Variants in LMO7 observed in about 807,000 individuals in gnomAD.
LMO7 encodes LIM domain only protein 7.
Under a neutral mutation model 206.5 loss-of-function variants are expected in LMO7, and 120 were observed. The ratio of observed to expected loss-of-function variants is 0.58; its 90% CI spans 0.50 to 0.68. The LOEUF is 0.68. LMO7 is among the 30% of genes least tolerant of loss of function. The pLI, the probability that LMO7 is intolerant of heterozygous loss-of-function variation, is 0.00. For missense variants in LMO7, 1,959 were observed against 1,957.9 expected, an observed-to-expected ratio of 1.00 and a Z score of -0.01; for synonymous variants, 706 against 681.5, an observed-to-expected ratio of 1.04 and a Z score of -0.56.
rs772210415 is a variant in LMO7, at chr13:75,800,855, G to C, written c.634G>C (p.Asp212His). ...GAGGTCATTGACAAGCTGCTCCTCT[G>C]ATATCACGTTGAGAGGGGGGCGTGA... ...GSRSLTSCSS[D>H]ITLRGGREGF... Residue 212 changes from aspartate to histidine, a missense_variant, in exon 7 of 31, where the codon GAT becomes CAT. Physicochemically the swap from Asp to His is moderately conservative, Grantham distance 81 (BLOSUM62 -1). Coordinates refer to ENST00000377534, the MANE Select transcript of LMO7 (RefSeq NM_001306080.2). The C allele has an allele frequency of 1.2e-6, 2 of 1,613,730 alleles. No homozygotes were observed. The highest frequency in any genetic ancestry group is 1.7e-6 in the Non-Finnish European group (2 of 1,179,832).
rs1316793412 is a variant in LMO7 at position 75,636,404 on chromosome 13, C to G, written c.-254C>G. 2 of 1,326,156 alleles carry G rather than the reference C, an allele frequency of 1.5e-6. No homozygotes were observed. The highest frequency in any genetic ancestry group is 7.0e-5 in the East Asian group (2 of 28,460). 82.1% of individuals were successfully genotyped at this position (1,326,156 alleles called of 1,614,324 possible). On this transcript the variant is annotated 5_prime_UTR_variant, in exon 1 of 31. Coordinates refer to ENST00000377534, the MANE Select transcript of LMO7 (RefSeq NM_001306080.2). ...GCTTCCCGCGTCCTGCCTGACTGCC[C>G]GGGTCCCCGCGGGCCTTGGGTCGCT...
chr13:75,752,801 T>C (rs765310686), intron 3 of LMO7, among the ~76,000 whole-genome samples: 1 of 152,246 alleles, frequency 6.6e-6, no homozygotes, highest in Non-Finnish European at 1.5e-5. Flanking sequence ...CCATTGTGGA[T>C]GTATACCACA....
intron 1 of LMO7, among the ~76,000 whole-genome samples, chr13:75,700,355 T>C (rs911129583): frequency 1.3e-5 from 2 of 152,310 alleles, no homozygotes; most frequent in East Asian, 3.9e-4. Context: ...TGTTCAGAGA[T>C]TGCAGTAAAG....
chr13:75,823,865 A>C lies in LMO7; in HGVS notation c.2941A>C (p.Arg981=). ...GEISPQREVS[R]SQDQFSDMRI... is the part of the protein sequence containing the mutation. ...AATCTCCCCACAAAGAGAAGTCTCAAGATCCCAGGTGAGTTTGGAAAAGTT... is the reference window on the plus strand; with the variant it reads ...AATCTCCCCACAAAGAGAAGTCTCACGATCCCAGGTGAGTTTGGAAAAGTT... Residue 981 remains arginine, a synonymous_variant, in exon 15 of 31, where the codon AGA becomes CGA. Coordinates refer to ENST00000377534, the MANE Select transcript of LMO7 (RefSeq NM_001306080.2). 6.2e-7 allele frequency: 1 copy of C among 1,613,604 alleles called. No individual in the cohort carries two copies. The highest frequency in any genetic ancestry group is 2.2e-5 in the East Asian group (1 of 44,834).
At chr13:75,819,998 T>A (rs2057417214) in intron 13 of LMO7, among the ~76,000 whole-genome samples, 1 of 152,200 alleles carries the variant, frequency 6.6e-6, no homozygotes, top group Admixed American at 6.5e-5. Context: ...AATGTGTGTG[T>A]TTTACTTACT....
chr13:75,754,030 G>A lies in LMO7; in HGVS notation c.211-6902G>A, dbSNP rs1213032518. Reference sequence around the variant, plus strand: ...TTAAAAAATTAAAAAATAATTTGAGGTGAAATTCACATAACATAAAGTATT... The same window carrying A: ...TTAAAAAATTAAAAAATAATTTGAGATGAAATTCACATAACATAAAGTATT... On this transcript the variant is annotated intron_variant, in intron 3 of 30. Coordinates refer to ENST00000377534, the MANE Select transcript of LMO7 (RefSeq NM_001306080.2). Among the ~76,000 whole-genome samples the A allele has an allele frequency of 2.6e-5, 4 of 152,074 alleles. No individual in the cohort carries two copies. In the South Asian group the frequency reaches 8.3e-4, roughly 32 times the overall value.
chr13:75,695,580 C>T (rs998201001), intron 1 of LMO7, among the ~76,000 whole-genome samples: 3 of 152,132 alleles, frequency 2.0e-5, no homozygotes, highest in Non-Finnish European at 2.9e-5. Context: ...TTCTTGACCT[C>T]GTGATCTGCC....
chr13:75,848,527 C>T (rs1411164294), intron 26 of LMO7, among the ~76,000 whole-genome samples: 1 of 152,154 alleles, frequency 6.6e-6, no homozygotes, highest in Non-Finnish European at 1.5e-5. Flanking sequence ...GTTGGTTCCA[C>T]ATTTTTGCAT....
rs79299060 is a variant in LMO7 at position 75,844,156 on chromosome 13, A to G, written c.4098-1171A>G. ...CTGGAAAATATGAATACCTGCAGGC[A>G]GTCCAGATAAAGCATGCCCTAGAGG... On this transcript the variant is annotated intron_variant, in intron 25 of 30. Coordinates refer to ENST00000377534, the MANE Select transcript of LMO7 (RefSeq NM_001306080.2). 3.4e-3 allele frequency among the ~76,000 whole-genome samples: 516 copies of G among 152,314 alleles called. 7 individuals carry two copies. The highest frequency in any genetic ancestry group is 0.012 in the African/African-American group (506 of 41,576).
intron 27 of LMO7, among the ~76,000 whole-genome samples, chr13:75,852,452 T>G (rs1052346405): frequency 6.6e-6 from 1 of 152,038 alleles, no homozygotes; most frequent in Non-Finnish European, 1.5e-5. Context: ...ACTTGACCCA[T>G]GTAACAAACC....
At chr13:75,810,090 C>A (rs2056152134) in intron 11 of LMO7, among the ~76,000 whole-genome samples, 2 of 152,038 alleles carry the variant, frequency 1.3e-5, no homozygotes, top group South Asian at 4.1e-4. Context: ...CCTCAGCCTC[C>A]CAAAGTGCTG....
At chr13:75,751,219 G>A (rs755248492) in intron 3 of LMO7, among the ~76,000 whole-genome samples, 10 of 134,488 alleles carry the variant, frequency 7.4e-5, no homozygotes, top group African/African-American at 1.4e-4. Context: ...GGAGTTCAGC[G>A]GCGTGATCTC....
chr13:75,794,057 T>C (rs531064992), intron 4 of LMO7, among the ~76,000 whole-genome samples: 1 of 152,362 alleles, frequency 6.6e-6, no homozygotes, highest in East Asian at 1.9e-4. Context: ...TCCATTATAA[T>C]GTTAAGGACA....
intron 9 of LMO7, chr13:75,807,089 C>T (rs1213814994): frequency 5.6e-6 from 1 of 180,130 alleles, no homozygotes; most frequent in East Asian, 1.4e-4. Flanking sequence ...CCACTGCACT[C>T]AGCCTGGGCG....
intron 3 of LMO7, among the ~76,000 whole-genome samples, chr13:75,740,638 C>A (rs2046335304): frequency 6.6e-6 from 1 of 152,130 alleles, no homozygotes; most frequent in African/African-American, 2.4e-5. Flanking sequence ...AGAATATCTA[C>A]CTAGAAAATT....
chr13:75,745,013 A>G (rs1466734606), intron 3 of LMO7, among the ~76,000 whole-genome samples: 1 of 152,240 alleles, frequency 6.6e-6, no homozygotes, highest in African/African-American at 2.4e-5. Flanking sequence ...AGTTACCAAT[A>G]GTTACACTGA....
At chr13:75,830,462 C>T (rs752270087) in intron 15 of LMO7, among the ~76,000 whole-genome samples, 4 of 152,152 alleles carry the variant, frequency 2.6e-5, no homozygotes, top group Non-Finnish European at 5.9e-5. Flanking sequence ...GAAGGCTTTA[C>T]CAGGCCCAGT....
intron 1 of LMO7, among the ~76,000 whole-genome samples, chr13:75,637,488 T>C (rs1376683687): frequency 6.6e-6 from 1 of 152,190 alleles, no homozygotes; most frequent in Non-Finnish European, 1.5e-5. Flanking sequence ...TCAGGACTTC[T>C]AGCCGTTATT....
At chr13:75,645,511 T>C (rs1319248882) in intron 1 of LMO7, among the ~76,000 whole-genome samples, 1 of 152,120 alleles carries the variant, frequency 6.6e-6, no homozygotes, top group Non-Finnish European at 1.5e-5. Flanking sequence ...AGACCCTATC[T>C]CAAAAATAAA....
Sources: gnomAD v4.1 joint callset for allele counts (sites outside exome capture counted in the v4.1 genomes callset) on GRCh38, gnomAD v4.1.1 for gene constraint, MANE v1.5 for transcripts, NCBI Gene and HGNC (gene_info 2026-07-23, HGNC 2026-07-21) for gene names.